Variants in FAM178B observed in about 807,000 individuals in gnomAD.
FAM178B encodes family with sequence similarity 178 member B.
A neutral mutation model predicts 91.7 loss-of-function variants in FAM178B; 82 were observed. That is an observed-to-expected ratio of 0.89 (90% CI 0.75 to 1.07). The LOEUF (loss-of-function observed/expected upper bound fraction) is 1.07, where lower values mean the gene tolerates loss of function less well. Ranked by LOEUF, FAM178B falls within the 50% of genes least tolerant of loss-of-function variation. The probability of loss-of-function intolerance (pLI) is 0.00; values close to 1 mark genes in which losing one functional copy is unlikely to be tolerated. For missense variants in FAM178B, 769 were observed against 846.7 expected (o/e 0.91, Z 1.14); for synonymous variants, 368 against 359.4 (o/e 1.02, Z -0.27).
At chr2:96,951,549 G>A (rs1191656749) in intron 6 of FAM178B, 65 bp from the exon 7 acceptor site, 9 of 1,228,252 alleles carry the variant, frequency 7.3e-6, no homozygotes, top group African/African-American at 3.0e-5. Flanking sequence ...CGGTGACACC[G>A]CGGGAGGCTG....
At chr2:96,935,068 G>C (rs533838061) in intron 8 of FAM178B, among the ~76,000 whole-genome samples, 1 of 152,126 alleles carries the variant, frequency 6.6e-6, no homozygotes. Flanking sequence ...CGAGGCCCCC[G>C]GTATGCGTGA....
intron 14 of FAM178B, among the ~76,000 whole-genome samples, chr2:96,888,774 C>T (rs983998886): frequency 1.2e-4 from 18 of 152,244 alleles, no homozygotes; most frequent in African/African-American, 3.6e-4. Flanking sequence ...CAGCAGAGGC[C>T]ACACCCTCTG....
intron 12 of FAM178B, among the ~76,000 whole-genome samples, chr2:96,910,623 C>T (rs570469794): frequency 5.9e-5 from 9 of 152,100 alleles, no homozygotes; most frequent in Non-Finnish European, 1.2e-4. Context: ...GCCGTTTGTC[C>T]GGCTACCTTA....
chr2:96,913,518 G>C (rs1391515299), intron 12 of FAM178B, among the ~76,000 whole-genome samples: 1 of 152,214 alleles, frequency 6.6e-6, no homozygotes. Flanking sequence ...GAACAAAATG[G>C]GAGGGAAACG....
At chr2:96,892,124 G>A (rs2080697003) in intron 14 of FAM178B, among the ~76,000 whole-genome samples, 2 of 152,172 alleles carry the variant, frequency 1.3e-5, no homozygotes, top group Admixed American at 1.3e-4. Context: ...GAGGCCTAAT[G>A]AGGAGTCATC....
Position 96,940,284 on chromosome 2 carries a change from T to C in FAM178B, c.1078+7534A>G, listed in dbSNP as rs183237350. On this transcript the variant is annotated intron_variant, in intron 8 of 16. Transcript: ENST00000490605. The stretch of plus-strand genomic sequence containing the variant: ...CAGGCACTTAAGTGCTCCACACATA[T>C]GGGCAGCTGCTGCTGCCACCGCCAC... Among the ~76,000 whole-genome samples, 426 of 152,178 alleles carry C rather than the reference T, an allele frequency of 2.8e-3. 2 individuals are homozygous for C. The highest frequency in any genetic ancestry group is 4.8e-3 in the Non-Finnish European group (327 of 67,992).
rs960419001 is a variant in FAM178B at position 96,986,333 on chromosome 2, TC to T, written c.-21del. 37 of 1,531,532 alleles carry T rather than the reference TC, an allele frequency of 2.4e-5. No individual in the cohort carries two copies. The highest frequency in any genetic ancestry group is 1.2e-4 in the Admixed American group (6 of 50,344). 94.9% of individuals were successfully genotyped at this position (1,531,532 alleles called of 1,614,324 possible). A position where few individuals can be genotyped will look rare whatever the true frequency, so the allele number is the denominator to read the frequency against. ...CCACATAGGGCGGGAAGGGCAGGGC[TC>T]CGGGGTGAGGGAGGGTGGCGGGAAT... On this transcript the variant is annotated 5_prime_UTR_variant, in exon 1 of 17. Coordinates refer to ENST00000490605, the MANE Select transcript of FAM178B (RefSeq NM_001122646.3).
At chr2:96,902,145 G>A (rs978464287) in intron 13 of FAM178B, among the ~76,000 whole-genome samples, 1 of 145,614 alleles carries the variant, frequency 6.9e-6, no homozygotes, top group Admixed American at 7.1e-5. Context: ...TCGCTCTGTC[G>A]CCCAGGCTGG....
rs570393998 is a variant in FAM178B, at chr2:96,939,518, T to C, written c.1078+8300A>G. Among the ~76,000 whole-genome samples the C allele has an allele frequency of 2.7e-5, 4 of 150,922 alleles. No homozygotes were observed. The East Asian group carries it at 7.8e-4, about 29-fold the overall frequency. On this transcript the variant is annotated intron_variant, in intron 8 of 16. Transcript: ENST00000490605. ...CTCAAAACAAAACAAAACAAACAAATGAACAAACAAAAAAACAAAGGCAAA... is the reference window on the plus strand; with the variant it reads ...CTCAAAACAAAACAAAACAAACAAACGAACAAACAAAAAAACAAAGGCAAA...
At chr2:96,897,518 C>G (rs2080846368) in intron 13 of FAM178B, among the ~76,000 whole-genome samples, 1 of 152,206 alleles carries the variant, frequency 6.6e-6, no homozygotes, top group Non-Finnish European at 1.5e-5. Flanking sequence ...CTCCCCAAAC[C>G]TGCTCCAGCT....
intron 1 of FAM178B, among the ~76,000 whole-genome samples, chr2:96,978,196 T>C (rs984798566): frequency 1.3e-5 from 2 of 152,188 alleles, no homozygotes; most frequent in African/African-American, 4.8e-5. Context: ...AAATTAGGTG[T>C]TTGGCACTAC....
At chr2:96,887,538 A>G (rs372250493) in intron 14 of FAM178B, among the ~76,000 whole-genome samples, 8 of 152,320 alleles carry the variant, frequency 5.3e-5, no homozygotes, top group East Asian at 3.9e-4. Context: ...CTCCGCAGGA[A>G]GGAGGGACAG....
At chr2:96,915,468 A>G (rs556270801) in intron 12 of FAM178B, among the ~76,000 whole-genome samples, 88 of 152,034 alleles carry the variant, frequency 5.8e-4, no homozygotes, top group Non-Finnish European at 1.1e-3. Flanking sequence ...CTAATTGGTG[A>G]GAACTGGCTG....
intron 14 of FAM178B, among the ~76,000 whole-genome samples, chr2:96,889,264 AC>A (rs1245134739): frequency 2.6e-5 from 4 of 152,218 alleles, no homozygotes; most frequent in Admixed American, 2.6e-4. Context: ...ATAATTAACA[AC>A]TTCACAGTCC....
chr2:96,963,829 G>A (rs2082112263), intron 5 of FAM178B, among the ~76,000 whole-genome samples: 2 of 152,150 alleles, frequency 1.3e-5, no homozygotes, highest in Non-Finnish European at 2.9e-5. Flanking sequence ...TAAAATATTT[G>A]CTATTTACAA....
chr2:96,914,555 T>C (rs1224974241), intron 12 of FAM178B, among the ~76,000 whole-genome samples: 1 of 152,150 alleles, frequency 6.6e-6, no homozygotes, highest in East Asian at 1.9e-4. Context: ...TATGGTTCAG[T>C]GTTTTAGGTG....
At chr2:96,949,907 C>A in intron 7 of FAM178B, 1 of 896,608 alleles carries the variant, frequency 1.1e-6, no homozygotes, top group Non-Finnish European at 1.3e-6. Flanking sequence ...AGGCACAGAG[C>A]TGATGCTAAG....
rs1380923566 is a variant in FAM178B at position 96,972,001 on chromosome 2, T to C, written c.464A>G (p.Glu155Gly). Residue 155 changes from glutamate to glycine, a missense_variant, in exon 3 of 17, where the codon GAG becomes GGG. Glu to Gly is a moderately conservative substitution (Grantham distance 98). Transcript: ENST00000490605. ...CGGGTCCAAGTCCAGGTGTTCCTGC[T>C]CCAACTCCTCGGGCAGCTCACCAGC... ...RLAGELPEELEQEHLDLDPKR... is the reference protein window; with the variant it reads ...RLAGELPEELGQEHLDLDPKR... 5 of 1,557,860 alleles carry C rather than the reference T, an allele frequency of 3.2e-6. No homozygotes were observed. Among genetic ancestry groups the C allele is most frequent in the Non-Finnish European group, 4.3e-6 (5 of 1,151,200 alleles).
intron 4 of FAM178B, among the ~76,000 whole-genome samples, chr2:96,969,962 C>T (rs1343818098): frequency 6.6e-6 from 1 of 152,166 alleles, no homozygotes; most frequent in African/African-American, 2.4e-5. Flanking sequence ...GTGGCATCGC[C>T]CCCGCCCACA....
Sources: allele counts gnomAD v4.1 joint callset (sites outside exome capture counted in the v4.1 genomes callset), GRCh38; gene constraint gnomAD v4.1.1; transcripts MANE v1.5; gene names NCBI Gene and HGNC (gene_info 2026-07-23, HGNC 2026-07-21).